TSGA10IP: variants seen among roughly 807,000 people sequenced by gnomAD.
TSGA10IP encodes testis specific 10 interacting protein.
TSGA10IP carries 64 observed loss-of-function variants against 63.2 expected under a neutral mutation model. That is an observed-to-expected ratio of 1.01 (90% CI 0.83 to 1.25). The LOEUF (loss-of-function observed/expected upper bound fraction) is 1.25, where lower values mean the gene tolerates loss of function less well. Ranked by LOEUF, TSGA10IP falls within the 50% of genes most tolerant of loss-of-function variation. The probability of loss-of-function intolerance (pLI) is 0.00; values close to 1 mark genes in which losing one functional copy is unlikely to be tolerated. For missense variants in TSGA10IP, 681 were observed against 710.1 expected, an observed-to-expected ratio of 0.96 and a Z score of 0.47; for synonymous variants, 316 against 298.3, an observed-to-expected ratio of 1.06 and a Z score of -0.61.
intron 5 of TSGA10IP, among the ~76,000 whole-genome samples, chr11:65,955,324 G>A (rs183152819): frequency 6.6e-6 from 1 of 152,166 alleles, no homozygotes; most frequent in East Asian, 1.9e-4. Context: ...TTAGGTACTC[G>A]GCTGTACGCC....
intron 5 of TSGA10IP, among the ~76,000 whole-genome samples, chr11:65,958,679 C>T (rs1204989586): frequency 6.6e-6 from 1 of 152,212 alleles, no homozygotes; most frequent in East Asian, 1.9e-4. Flanking sequence ...CCTCAACCCT[C>T]CCGATCCATC....
At position 65,956,144 on chromosome 11, in the gene TSGA10IP, T is replaced by TAA. The variant is rs1555056444; in HGVS notation, c.1322+2407_1322+2408insAA. On this transcript the variant is annotated intron_variant, in intron 5 of 7. Transcript: ENST00000532620. Reference sequence around the variant, plus strand: ...CTCTTTGAGGCTCAGTCTTTTTTTTTTTTTTTTTTTGAGACAGAGTTTCGC... The same window carrying TAA: ...CTCTTTGAGGCTCAGTCTTTTTTTTTAATTTTTTTTTTGAGACAGAGTTTCGC... Among the ~76,000 whole-genome samples, 23 of 149,696 alleles carry TAA rather than the reference T, an allele frequency of 1.5e-4. No individual in the cohort carries two copies. In the East Asian group the frequency reaches 2.2e-3, roughly 14 times the overall value.
Position 65,945,748 on chromosome 11 carries a change from GACGT to G in TSGA10IP, c.74_77del (p.Asp25GlyfsTer144). On this transcript the variant is annotated frameshift_variant, in exon 1 of 8. Coordinates refer to ENST00000532620, the Ensembl canonical transcript of TSGA10IP. LOFTEE classifies it high-confidence loss of function. Reference sequence around the variant, plus strand: ...GACCCCGTCGGTGCGACCAGGGCAGGACGTGCGGCTCCAGGCTCCAGGAACCAGA... The same window carrying G: ...GACCCCGTCGGTGCGACCAGGGCAGGGCGGCTCCAGGCTCCAGGAACCAGA... The G allele has an allele frequency of 6.2e-7, 1 of 1,614,002 alleles. No homozygotes were observed. The highest frequency in any genetic ancestry group is 1.1e-5 in the South Asian group (1 of 91,084).
chr11:65,947,611 G>A lies in TSGA10IP; in HGVS notation c.786G>A (p.Arg262=), dbSNP rs552413379. The change falls in exon 3 of 8, where the codon AGG becomes AGA. Residue 262 remains arginine, a synonymous_variant. Coordinates refer to ENST00000532620, the Ensembl canonical transcript of TSGA10IP. Reference sequence around the variant, plus strand: ...AGGAGGCTGAGGAGGGAGAGCACAGGACTCCCTGCAGAAGGAGGGCTGGTT... The same window carrying A: ...AGGAGGCTGAGGAGGGAGAGCACAGAACTCCCTGCAGAAGGAGGGCTGGTT... 4 of 1,613,752 alleles carry A rather than the reference G, an allele frequency of 2.5e-6. No individual in the cohort carries two copies. The South Asian group carries it at 3.3e-5, about 13-fold the overall frequency.
In TSGA10IP at chr11:65,946,811, C is replaced by T. The variant is rs1854842454; in HGVS notation, c.148-69C>T. On this transcript the variant is annotated intron_variant, in intron 1 of 7. Coordinates refer to ENST00000532620, the Ensembl canonical transcript of TSGA10IP. ...CAGCCAGGTGCACAGAGGGAGCACCCGGGTGAGGTGCAACACAGTCCAGGA... is the reference window on the plus strand; with the variant it reads ...CAGCCAGGTGCACAGAGGGAGCACCTGGGTGAGGTGCAACACAGTCCAGGA... 1.7e-5 allele frequency: 26 copies of T among 1,538,668 alleles called. 1 individual carries two copies. In the South Asian group the frequency reaches 2.0e-4, roughly 12 times the overall value.
chr11:65,948,169 G>A, intron 4 of TSGA10IP, 21 bp downstream of exon 4: 1 of 1,594,378 alleles, frequency 6.3e-7, no homozygotes, highest in Non-Finnish European at 8.5e-7. Flanking sequence ...AGAGAAGGGA[G>A]TGGGAGCCCA....
chr11:65,946,004 T>C (rs1418924702), intron 1 of TSGA10IP, 182 bp downstream of exon 1: 1 of 667,838 alleles, frequency 1.5e-6, no homozygotes, highest in African/African-American at 1.8e-5. Context: ...AGCCGAGGGA[T>C]GACGCCCAGG....
At chr11:65,948,592 C>T (rs1854888480) in intron 4 of TSGA10IP, among the ~76,000 whole-genome samples, 2 of 152,096 alleles carry the variant, frequency 1.3e-5, no homozygotes, top group Non-Finnish European at 2.9e-5. Flanking sequence ...AGGAGGATCT[C>T]TTGAGTTCAG....
intron 4 of TSGA10IP, among the ~76,000 whole-genome samples, chr11:65,953,149 G>C (rs1378906692): frequency 6.7e-6 from 1 of 149,872 alleles, no homozygotes; most frequent in African/African-American, 2.5e-5. Flanking sequence ...TCCCACCTCA[G>C]CCTACTGAGT....
intron 5 of TSGA10IP, among the ~76,000 whole-genome samples, chr11:65,954,154 T>C (rs1205724165): frequency 6.6e-6 from 1 of 151,932 alleles, no homozygotes; most frequent in Non-Finnish European, 1.5e-5. Context: ...TCTTCCTATA[T>C]TGTGACCATT....
intron 4 of TSGA10IP, among the ~76,000 whole-genome samples, chr11:65,953,124 T>A (rs753060059): frequency 6.7e-6 from 1 of 150,242 alleles, no homozygotes; most frequent in Non-Finnish European, 1.5e-5. Flanking sequence ...TCTGCTTCCC[T>A]GGTTCAAACA....
At chr11:65,945,954 T>A (rs991727188) in intron 1 of TSGA10IP, 132 bp downstream of exon 1, 2 of 1,150,614 alleles carry the variant, frequency 1.7e-6, no homozygotes, top group Non-Finnish European at 2.5e-6. Flanking sequence ...GAGGCAGGAG[T>A]GGGACAGGGA....
exon 1 of TSGA10IP, chr11:65,945,496 G>C: frequency 3.0e-6 from 2 of 658,504 alleles, no homozygotes; most frequent in Admixed American, 6.0e-5. Context: ...CTGGGTCTCT[G>C]CGCTAAATGA....
At chr11:65,947,111 C>T in exon 3 of TSGA10IP, 7 of 1,609,582 alleles carry the variant, frequency 4.3e-6, no homozygotes, top group Non-Finnish European at 4.2e-6. Flanking sequence ...CTTCTTCAGT[C>T]ACTTCCCGCT....
intron 7 of TSGA10IP, 21 bp from the exon 8 acceptor site, chr11:65,959,796 G>A: frequency 6.5e-7 from 1 of 1,545,590 alleles, no homozygotes; most frequent in Non-Finnish European, 8.7e-7. Context: ...AGAGTCAGGG[G>A]CCTCTATCTG....
chr11:65,959,863 C>A (rs1291983170), exon 8 of TSGA10IP: 2 of 1,599,868 alleles, frequency 1.3e-6, no homozygotes, highest in Non-Finnish European at 1.7e-6. Flanking sequence ...TCCTCAGAGG[C>A]CCCCAAGGAC....
At chr11:65,957,191 G>A (rs755225508) in intron 5 of TSGA10IP, among the ~76,000 whole-genome samples, 12 of 151,768 alleles carry the variant, frequency 7.9e-5, no homozygotes, top group South Asian at 2.1e-4. Flanking sequence ...TCGCTCTGTC[G>A]CCAGGCTGGA....
At chr11:65,959,217 C>T (rs765578835) in exon 7 of TSGA10IP, 23 of 1,606,570 alleles carry the variant, frequency 1.4e-5, no homozygotes, top group Admixed American at 3.4e-5. Context: ...CGTCACTCGG[C>T]GCTTCTCCCA....
At chr11:65,959,081 C>T in intron 6 of TSGA10IP, 99 bp downstream of exon 6, 1 of 1,560,682 alleles carries the variant, frequency 6.4e-7, no homozygotes. Flanking sequence ...CAGATAGGAT[C>T]CCAGGGCTGC....
Sources: allele counts gnomAD v4.1 joint callset (sites outside exome capture counted in the v4.1 genomes callset), GRCh38; gene constraint gnomAD v4.1.1; transcripts MANE v1.5; gene names NCBI Gene and HGNC (gene_info 2026-07-23, HGNC 2026-07-21).